CTNNAL1: variants seen among roughly 807,000 people sequenced by gnomAD.
CTNNAL1 encodes the protein alpha-catulin.
CTNNAL1 carries 69 observed loss-of-function variants against 93.6 expected under a neutral mutation model. That is an observed-to-expected ratio of 0.74 (90% CI 0.61 to 0.90). The LOEUF is 0.90. Ranked by LOEUF, CTNNAL1 falls within the 40% of genes least tolerant of loss-of-function variation. CTNNAL1 has a pLI of 0.00. For synonymous variants in CTNNAL1, 286 were observed against 305.4 expected, an observed-to-expected ratio of 0.94 and a Z score of 0.66; for missense variants, 836 against 862.0, an observed-to-expected ratio of 0.97 and a Z score of 0.38.
chr9:108,972,864 G>GGGGGGGCGGCCCCCCCC, intron 8 of CTNNAL1, 31 bp from the exon 9 acceptor site: 1 of 142,590 alleles, frequency 7.0e-6, no homozygotes, highest in East Asian at 2.2e-4. Flanking sequence ...GGGGGGGTGG[G>GGGGGGGCGGCCCCCCCC]AGGGTGGAGA....
At chr9:108,980,569 C>G (rs1337177887) in intron 6 of CTNNAL1, among the ~76,000 whole-genome samples, 1 of 152,142 alleles carries the variant, frequency 6.6e-6, no homozygotes, top group Non-Finnish European at 1.5e-5. Context: ...ATAGGAGAGT[C>G]CTTGCTTCCC....
chr9:108,990,854 C>G lies in CTNNAL1; in HGVS notation c.520-9G>C, dbSNP rs781406790. The G allele has an allele frequency of 1.2e-6, 2 of 1,609,504 alleles. No homozygotes were observed. Among genetic ancestry groups the G allele is most frequent in the Non-Finnish European group, 1.7e-6 (2 of 1,178,376 alleles). On this transcript the variant is annotated splice_polypyrimidine_tract_variant and intron_variant, in intron 3 of 18. Coordinates refer to ENST00000325551, the MANE Select transcript of CTNNAL1 (RefSeq NM_003798.4). ...TCCATAGTTGCGAGAACCTGCAAAACAGATAATAATTCATTATTTGGTGAG... is the reference window on the plus strand; with the variant it reads ...TCCATAGTTGCGAGAACCTGCAAAAGAGATAATAATTCATTATTTGGTGAG...
intron 6 of CTNNAL1, among the ~76,000 whole-genome samples, chr9:108,981,389 T>C (rs1831422064): frequency 6.6e-6 from 1 of 150,876 alleles, no homozygotes; most frequent in African/African-American, 2.4e-5. Context: ...AGGTGTAAAG[T>C]GAAAGGTCAT....
At chr9:108,945,589 GT>G (rs1830376894) in intron 15 of CTNNAL1, among the ~76,000 whole-genome samples, 2 of 150,386 alleles carry the variant, frequency 1.3e-5, no homozygotes, top group South Asian at 4.2e-4. Flanking sequence ...AGCTGCCTGA[GT>G]AGCTAGGATT....
chr9:108,955,088 G>A (rs912265418), intron 12 of CTNNAL1, among the ~76,000 whole-genome samples: 14 of 151,758 alleles, frequency 9.2e-5, no homozygotes, highest in African/African-American at 2.9e-4. Flanking sequence ...TCACCCTCCC[G>A]AGTAGCTGGG....
chr9:108,953,738 G>C (rs964660994), intron 12 of CTNNAL1, among the ~76,000 whole-genome samples: 3 of 152,184 alleles, frequency 2.0e-5, no homozygotes, highest in Middle Eastern at 3.4e-3. Context: ...ATTTTCTAAT[G>C]ATGTTTACTA....
intron 15 of CTNNAL1, among the ~76,000 whole-genome samples, chr9:108,945,637 TTTTTTG>T (rs1830379615): frequency 6.7e-6 from 1 of 148,358 alleles, no homozygotes; most frequent in African/African-American, 2.5e-5. Context: ...AGTTTTTTTT[TTTTTTG>T]TTTTGTTTTT....
At chr9:108,986,146 T>C (rs1345542872) in intron 4 of CTNNAL1, among the ~76,000 whole-genome samples, 1 of 150,910 alleles carries the variant, frequency 6.6e-6, no homozygotes, top group Non-Finnish European at 1.5e-5. Context: ...CATTTAGCAT[T>C]AGGTATATCT....
chr9:109,008,152 CTTTTTT>C, intron 1 of CTNNAL1, among the ~76,000 whole-genome samples: 1 of 85,300 alleles, frequency 1.2e-5, no homozygotes, highest in East Asian at 3.7e-4. Context: ...ATCCATCTTT[CTTTTTT>C]TTTTTTTTTT....
At chr9:108,950,582 C>T in intron 14 of CTNNAL1, 1 of 1,550,294 alleles carries the variant, frequency 6.5e-7, no homozygotes, top group African/African-American at 1.4e-5. Flanking sequence ...ACTGCATCTT[C>T]CCCACTCTTA....
chr9:108,965,945 ATAAG>A (rs1830940519), intron 10 of CTNNAL1, among the ~76,000 whole-genome samples: 1 of 152,222 alleles, frequency 6.6e-6, no homozygotes, highest in Non-Finnish European at 1.5e-5. Context: ...AGTGATAATA[ATAAG>A]TAACATATAT....
At chr9:108,966,098 GA>G (rs778128225) in intron 10 of CTNNAL1, among the ~76,000 whole-genome samples, 20 of 151,996 alleles carry the variant, frequency 1.3e-4, no homozygotes, top group Non-Finnish European at 2.2e-4. Flanking sequence ...TTTTCAGCTG[GA>G]AAAGTTGAAG....
chr9:108,960,610 G>A (rs1209267488), intron 11 of CTNNAL1, among the ~76,000 whole-genome samples: 1 of 152,152 alleles, frequency 6.6e-6, no homozygotes, highest in Non-Finnish European at 1.5e-5. Context: ...AGTTAGAGCT[G>A]CATCTCTATA....
At chr9:108,970,230 TG>T (rs1831070818) in intron 10 of CTNNAL1, among the ~76,000 whole-genome samples, 171 bp downstream of exon 10, 1 of 152,246 alleles carries the variant, frequency 6.6e-6, no homozygotes, top group African/African-American at 2.4e-5. Context: ...CCAGCTCCAA[TG>T]GAAGGTTAGC....
chr9:108,963,960 T>G (rs977395306), intron 11 of CTNNAL1, among the ~76,000 whole-genome samples: 12 of 152,190 alleles, frequency 7.9e-5, no homozygotes, highest in Non-Finnish European at 1.5e-4. Context: ...GAGAAAGACC[T>G]GGGCCTTACA....
intron 12 of CTNNAL1, 152 bp from the exon 13 acceptor site, chr9:108,952,646 C>T (rs759404385): frequency 6.2e-5 from 63 of 1,009,352 alleles, no homozygotes; most frequent in Admixed American, 2.6e-4. Context: ...ATTGCAAGTA[C>T]TCTACTAGTA....
At chr9:109,008,767 T>C (rs1827113690) in intron 1 of CTNNAL1, among the ~76,000 whole-genome samples, 1 of 152,132 alleles carries the variant, frequency 6.6e-6, no homozygotes, top group Non-Finnish European at 1.5e-5. Context: ...TTTTATTCAT[T>C]GGAGTATTTT....
chr9:108,983,165 T>TA lies in CTNNAL1; in HGVS notation c.879dup (p.Thr294TyrfsTer4), dbSNP rs763099341. 1.9e-6 allele frequency: 3 copies of TA among 1,552,710 alleles called. No homozygotes were observed. Among genetic ancestry groups the TA allele is most frequent in the Non-Finnish European group, 2.6e-6 (3 of 1,151,450 alleles). On this transcript the variant is annotated frameshift_variant, in exon 6 of 19. Transcript: ENST00000325551. LOFTEE classifies it high-confidence loss of function. Reference sequence around the variant, plus strand: ...CTTACCTTGAATTCCTTAATTCCAGTAAAAATACTGATAGATGAAATGTCA... The same window carrying TA: ...CTTACCTTGAATTCCTTAATTCCAGTAAAAAATACTGATAGATGAAATGTCA...
At chr9:108,979,578 G>A in intron 6 of CTNNAL1, 97 bp from the exon 7 acceptor site, 1 of 1,127,126 alleles carries the variant, frequency 8.9e-7, no homozygotes, top group Non-Finnish European at 1.3e-6. Flanking sequence ...GAAAACACTA[G>A]CATTTCCTTT....
Sources: gnomAD v4.1 joint callset for allele counts (sites outside exome capture counted in the v4.1 genomes callset) on GRCh38, gnomAD v4.1.1 for gene constraint, MANE v1.5 for transcripts, NCBI Gene and HGNC (gene_info 2026-07-23, HGNC 2026-07-21) for gene names.